The following POLR3A variants were observed in gnomAD, a reference collection of about 807,000 sequenced individuals.
The protein encoded by POLR3A is RNA polymerase III subunit A, also known as DNA-directed RNA polymerase III subunit RPC1.
Under a neutral mutation model 152.8 loss-of-function variants are expected in POLR3A, and 112 were observed. The ratio of observed to expected loss-of-function variants is 0.73; its 90% CI spans 0.63 to 0.86. The LOEUF (loss-of-function observed/expected upper bound fraction) is 0.86, where lower values mean the gene tolerates loss of function less well. Ranked by LOEUF, POLR3A falls within the 40% of genes least tolerant of loss-of-function variation. The probability of loss-of-function intolerance (pLI) is 0.00; values close to 1 mark genes in which losing one functional copy is unlikely to be tolerated. For missense variants in POLR3A, 1,385 were observed against 1,743.1 expected (o/e 0.79, Z 3.66); for synonymous variants, 615 against 652.1 (o/e 0.94, Z 0.87).
In POLR3A at chr10:77,982,160, G is replaced by C; in HGVS notation, c.3753C>G (p.Thr1251=). The C allele has an allele frequency of 1.2e-6, 2 of 1,613,792 alleles. No individual in the cohort carries two copies. Among genetic ancestry groups the C allele is most frequent in the Non-Finnish European group, 1.7e-6 (2 of 1,179,900 alleles). Residue 1251 remains threonine, a synonymous_variant, in exon 28 of 31, where the codon ACC becomes ACG. Coordinates refer to ENST00000372371, the MANE Select transcript of POLR3A (RefSeq NM_007055.4). Reference sequence around the variant, plus strand: ...CCCGTGGGCTGAGTGGTACCTCATAGGTGTTATTGGAGGTGGTTCGGGTGC... The same window carrying C: ...CCCGTGGGCTGAGTGGTACCTCATACGTGTTATTGGAGGTGGTTCGGGTGC... ...VKGTRTTSNN[T]YEVEKTLGIE... is the part of the protein sequence containing the mutation.
At position 77,983,978 on chromosome 10, in the gene POLR3A, T is replaced by C. The variant is rs1264479928; in HGVS notation, c.3371A>G (p.Asp1124Gly). 5.0e-6 allele frequency: 8 copies of C among 1,612,846 alleles called. No homozygotes were observed. The highest frequency in any genetic ancestry group is 1.7e-5 in the Admixed American group (1 of 60,002). ...GAGCTTGACGAGAATAAAGCAGTCA[T>C]CAGGAAGAAACACTTCTTCAATATA... ...SEYIEEVFLP[D>G]DCFILVKLSL... The change falls in exon 26 of 31, where the codon GAT becomes GGT. Residue 1124 changes from aspartate to glycine, a missense_variant. Around this residue, in one of 7 missense-constraint regions of POLR3A, gnomAD observed 332 missense variants for 400.1 expected, o/e 0.83. Coordinates refer to ENST00000372371, the MANE Select transcript of POLR3A (RefSeq NM_007055.4).
At chr10:77,989,730 T>A (rs1847229561) in intron 21 of POLR3A, among the ~76,000 whole-genome samples, 1 of 152,198 alleles carries the variant, frequency 6.6e-6, no homozygotes, top group Non-Finnish European at 1.5e-5. Context: ...GCATGCTAAG[T>A]ACGTTACCTC....
chr10:77,982,568 A>C, intron 27 of POLR3A, 85 bp downstream of exon 27: 1 of 1,226,270 alleles, frequency 8.2e-7, no homozygotes, highest in Non-Finnish European at 1.2e-6. Flanking sequence ...AAATCGGACT[A>C]AGTGACAAAG....
At chr10:78,005,245 C>T (rs866125914) in intron 15 of POLR3A, among the ~76,000 whole-genome samples, 22 of 152,314 alleles carry the variant, frequency 1.4e-4, no homozygotes, top group Middle Eastern at 3.4e-3. Context: ...GCCTATAATC[C>T]CAGCACTTTG....
chr10:77,985,089 T>G, intron 24 of POLR3A, 81 bp downstream of exon 24: 1 of 1,125,646 alleles, frequency 8.9e-7, no homozygotes, highest in African/African-American at 1.5e-5. Context: ...ATATCACACA[T>G]ATGCATGTGA....
chr10:78,025,942 C>A (rs1589319790), intron 2 of POLR3A, 152 bp downstream of exon 2: 2 of 1,165,976 alleles, frequency 1.7e-6, no homozygotes, highest in East Asian at 4.7e-5. Flanking sequence ...AATCAGGTTG[C>A]TGACTAAAGG....
intron 8 of POLR3A, 63 bp from the exon 9 acceptor site, chr10:78,019,328 G>A: frequency 9.3e-7 from 1 of 1,073,352 alleles, no homozygotes; most frequent in African/African-American, 1.5e-5. Context: ...AAATGATACT[G>A]AAATGCGTCT....
chr10:78,027,845 C>T (rs1847652048), intron 1 of POLR3A, among the ~76,000 whole-genome samples: 1 of 152,156 alleles, frequency 6.6e-6, no homozygotes, highest in Non-Finnish European at 1.5e-5. Context: ...ACGTGAGCCA[C>T]CACTCCTGGC....
Position 78,000,042 on chromosome 10 carries a change from AT to A in POLR3A, c.2554del (p.Met852TrpfsTer7), listed in dbSNP as rs764313785. ...LTPTEFFFHT[M>X]AGREGLVDTA... ...GTCGACTAGACCTTCCCGGCCGGCC[AT>A]TGTGTGGAAGAAAAACTCAGTTGGT... On this transcript the variant is annotated frameshift_variant, in exon 19 of 31. Coordinates refer to ENST00000372371, the MANE Select transcript of POLR3A (RefSeq NM_007055.4). LOFTEE classifies it high-confidence loss of function. 1.9e-6 allele frequency: 3 copies of A among 1,614,080 alleles called. No individual in the cohort carries two copies. The highest frequency in any genetic ancestry group is 2.5e-6 in the Non-Finnish European group (3 of 1,179,978).
intron 19 of POLR3A, among the ~76,000 whole-genome samples, chr10:77,998,645 GA>G (rs1847326090): frequency 6.6e-6 from 1 of 152,186 alleles, no homozygotes; most frequent in African/African-American, 2.4e-5. Flanking sequence ...AAAAAGTCAG[GA>G]AACAACAGGA....
At chr10:77,999,230 A>G (rs1229095520) in intron 19 of POLR3A, among the ~76,000 whole-genome samples, 1 of 152,174 alleles carries the variant, frequency 6.6e-6, no homozygotes, top group African/African-American at 2.4e-5. Flanking sequence ...GCACACCAAC[A>G]TGGCACATGT....
intron 3 of POLR3A, 105 bp downstream of exon 3, chr10:78,025,517 C>A (rs1847624537): frequency 5.7e-6 from 6 of 1,056,186 alleles, no homozygotes; most frequent in Non-Finnish European, 8.9e-6. Context: ...ATAAAAGAGT[C>A]CCCTAGATGT....
At chr10:78,002,873 G>A (rs999561004) in intron 16 of POLR3A, among the ~76,000 whole-genome samples, 1 of 152,130 alleles carries the variant, frequency 6.6e-6, no homozygotes, top group Admixed American at 6.5e-5. Flanking sequence ...CCATAAGGTA[G>A]AATGTATGGC....
intron 26 of POLR3A, among the ~76,000 whole-genome samples, chr10:77,983,310 T>C (rs1847166707): frequency 6.6e-6 from 1 of 152,246 alleles, no homozygotes; most frequent in Non-Finnish European, 1.5e-5. Flanking sequence ...TCAACTGTTA[T>C]ATGGGTAACA....
chr10:77,980,256 G>A lies in POLR3A; in HGVS notation c.3909C>T (p.Ile1303=), dbSNP rs762051333. The A allele has an allele frequency of 6.2e-7, 1 of 1,613,982 alleles. No individual in the cohort carries two copies. The change falls in exon 30 of 31, where the codon ATC becomes ATT. Residue 1303 remains isoleucine, a synonymous_variant. Coordinates refer to ENST00000372371, the MANE Select transcript of POLR3A (RefSeq NM_007055.4). The part of the protein sequence containing the change: ...LMTYKGEVLG[I]TRFGLAKMKE... ...TCATCTTGGCCAGGCCAAACCTAGT[G>A]ATGCCCAGGACTTCACCCTGCGTCA...
chr10:78,007,154 A>G (rs1359623510), intron 15 of POLR3A, among the ~76,000 whole-genome samples: 1 of 152,194 alleles, frequency 6.6e-6, no homozygotes, highest in Non-Finnish European at 1.5e-5. Context: ...AGCAAGAAGA[A>G]AGTAGAGCAG....
intron 20 of POLR3A, among the ~76,000 whole-genome samples, chr10:77,991,935 T>C (rs537069461): frequency 2.6e-5 from 4 of 152,364 alleles, no homozygotes; most frequent in Non-Finnish European, 2.9e-5. Context: ...CCTCTACTGA[T>C]GGTTTGCCTT....
At chr10:77,990,307 C>T (rs535038433) in intron 21 of POLR3A, among the ~76,000 whole-genome samples, 1 of 151,902 alleles carries the variant, frequency 6.6e-6, no homozygotes, top group East Asian at 1.9e-4. Flanking sequence ...GATTTTTGAT[C>T]CACAATACAG....
rs182415186 is a variant in POLR3A at position 78,018,297 on chromosome 10, G to A, written c.1290-581C>T. Among the ~76,000 whole-genome samples, 54 of 151,858 alleles carry A rather than the reference G, an allele frequency of 3.6e-4. No homozygotes were observed. In the East Asian group the frequency reaches 8.4e-3, roughly 24 times the overall value. Reference sequence around the variant, plus strand: ...AGCTGGATCACCAGGTCAGGAGTTCGAAACCAGCCTGGTCAACATGGTGAA... The same window carrying A: ...AGCTGGATCACCAGGTCAGGAGTTCAAAACCAGCCTGGTCAACATGGTGAA... On this transcript the variant is annotated intron_variant, in intron 9 of 30. Transcript: ENST00000372371.
Sources: allele counts gnomAD v4.1 joint callset (sites outside exome capture counted in the v4.1 genomes callset), GRCh38; gene constraint gnomAD v4.1.1; regional missense constraint gnomAD v4.1.1; transcripts MANE v1.5; gene names NCBI Gene and HGNC (gene_info 2026-07-23, HGNC 2026-07-21).